Variants in NEDD9 observed in about 807,000 individuals in gnomAD.
NEDD9 encodes neural precursor cell expressed, developmentally down-regulated 9, also known as enhancer of filamentation 1.
A neutral mutation model predicts 76.6 loss-of-function variants in NEDD9; 26 were observed. The ratio of observed to expected loss-of-function variants is 0.34; its 90% CI spans 0.25 to 0.47. The LOEUF is 0.47. Among genes scored for constraint, NEDD9 ranks in the 20% least tolerant of loss-of-function variants. The pLI, the probability that NEDD9 is intolerant of heterozygous loss-of-function variation, is 1.00. For missense variants in NEDD9, 937 were observed against 1,058.5 expected, an observed-to-expected ratio of 0.89 and a Z score of 1.59; for synonymous variants, 392 against 414.2, an observed-to-expected ratio of 0.95 and a Z score of 0.65.
intron 1 of NEDD9, among the ~76,000 whole-genome samples, chr6:11,371,892 G>A (rs1166124805): frequency 6.6e-6 from 1 of 152,152 alleles, no homozygotes; most frequent in Non-Finnish European, 1.5e-5. Flanking sequence ...GGTTATATGA[G>A]ATGTTTTGAT....
intron 3 of NEDD9, chr6:11,258,363 G>A (rs1254823780): frequency 6.6e-6 from 1 of 152,202 alleles, no homozygotes; most frequent in African/African-American, 2.4e-5. Flanking sequence ...TATCAAAGGT[G>A]TGAATGCTCT....
chr6:11,336,303 C>A (rs1305581984), intron 1 of NEDD9, among the ~76,000 whole-genome samples: 2 of 152,208 alleles, frequency 1.3e-5, no homozygotes, highest in African/African-American at 4.8e-5. Context: ...TGTAATTGTA[C>A]AAAGTGCATA....
chr6:11,366,909 A>G (rs1762781109), intron 1 of NEDD9, among the ~76,000 whole-genome samples: 1 of 152,234 alleles, frequency 6.6e-6, no homozygotes, highest in African/African-American at 2.4e-5. Context: ...ATATGAGTCA[A>G]TGTGCTGTGT....
chr6:11,232,785 C>G, upstream of NEDD9: 5 of 1,180,738 alleles, frequency 4.2e-6, no homozygotes, highest in South Asian at 9.0e-5. Flanking sequence ...TTCTGAAAAA[C>G]TGACAAAGAA....
intron 1 of NEDD9, among the ~76,000 whole-genome samples, chr6:11,356,272 C>G (rs1222169604): frequency 1.3e-5 from 2 of 152,142 alleles, no homozygotes; most frequent in Non-Finnish European, 2.9e-5. Flanking sequence ...CTGACGGATC[C>G]TAAGAGTCAC....
chr6:11,273,439 G>C (rs545677289), intron 3 of NEDD9, among the ~76,000 whole-genome samples: 77 of 152,290 alleles, frequency 5.1e-4, no homozygotes, highest in African/African-American at 1.8e-3. Context: ...CATTCAAAAG[G>C]GTTGAATTTG....
chr6:11,342,227 A>G lies in NEDD9; in HGVS notation c.-213-7666T>C, dbSNP rs561239739. Among the ~76,000 whole-genome samples the G allele has an allele frequency of 7.2e-5, 11 of 152,262 alleles. No individual in the cohort carries two copies. The South Asian group carries it at 2.3e-3, about 32-fold the overall frequency. ...ATATCAGACAGTCTAACTTACGTCTATTTGGTGTCCCAGAAGGAGGAGAGA... is the reference window on the plus strand; with the variant it reads ...ATATCAGACAGTCTAACTTACGTCTGTTTGGTGTCCCAGAAGGAGGAGAGA... On this transcript the variant is annotated intron_variant, in intron 1 of 3. Coordinates refer to the NEDD9 transcript ENST00000397378.
intron 1 of NEDD9, among the ~76,000 whole-genome samples, chr6:11,378,578 T>C (rs1426373226): frequency 6.6e-6 from 1 of 152,176 alleles, no homozygotes; most frequent in African/African-American, 2.4e-5. Context: ...TGGATGTGTA[T>C]TTATGTTTTT....
At chr6:11,304,071 C>A (rs1761119133) in intron 3 of NEDD9, among the ~76,000 whole-genome samples, 1 of 152,146 alleles carries the variant, frequency 6.6e-6, no homozygotes, top group Non-Finnish European at 1.5e-5. Flanking sequence ...TGAAAAAGGG[C>A]TAATATTCAG....
chr6:11,294,056 T>C (rs1760838744), intron 3 of NEDD9, among the ~76,000 whole-genome samples: 1 of 152,108 alleles, frequency 6.6e-6, no homozygotes, highest in Admixed American at 6.6e-5. Flanking sequence ...TCACATTTTC[T>C]TTATCTGCTC....
rs746431706 is a variant in NEDD9 at position 11,191,178 on chromosome 6, G to A, written c.691C>T (p.Arg231Trp). The A allele has an allele frequency of 2.1e-5, 33 of 1,608,424 alleles. No individual in the cohort carries two copies. In the South Asian group the frequency reaches 2.3e-4, roughly 11 times the overall value. The part of the protein sequence containing the change: ...GVYAIPPSAC[R>W]DEAGLREKDY... The stretch of plus-strand genomic sequence containing the variant: ...TTTTCCCTAAGCCCTGCTTCATCCC[G>A]GCAAGCAGAGGGCGGAATGGCATAT... Residue 231 changes from arginine (R) to tryptophan (W), a missense_variant, in exon 5 of 7, where the codon CGG becomes TGG. Coordinates refer to ENST00000379446, the MANE Select transcript of NEDD9 (RefSeq NM_006403.4).
chr6:11,189,964 C>T lies in NEDD9; in HGVS notation c.1905G>A (p.Gln635=). 1 of 1,514,916 alleles carries T rather than the reference C, an allele frequency of 6.6e-7. No individual in the cohort carries two copies. Among genetic ancestry groups the T allele is most frequent in the Non-Finnish European group, 8.8e-7 (1 of 1,132,868 alleles). The allele number at this position is 1,514,916 out of a possible 1,614,324, so 93.8% of individuals were successfully genotyped here. The part of the protein sequence containing the change: ...WMDDYDYVHL[Q]GKEEFERQQK... Reference sequence around the variant, plus strand: ...TGTTTTATGAGTTCCGCTGTTTTACCTGTAGGTGGACGTAATCGTAGTCAT... The same window carrying T: ...TGTTTTATGAGTTCCGCTGTTTTACTTGTAGGTGGACGTAATCGTAGTCAT... Residue 635 remains glutamine (Q), a splice_region_variant and synonymous_variant, in exon 5 of 7, where the codon CAG becomes CAA. Transcript: ENST00000379446.
chr6:11,224,169 G>A (rs1397599764), intron 1 of NEDD9, among the ~76,000 whole-genome samples: 2 of 152,216 alleles, frequency 1.3e-5, no homozygotes, highest in East Asian at 3.8e-4. Flanking sequence ...CTGAATTTCG[G>A]ATTTGGGAGA....
At chr6:11,303,682 C>T (rs1022844767) in intron 3 of NEDD9, among the ~76,000 whole-genome samples, 1 of 152,038 alleles carries the variant, frequency 6.6e-6, no homozygotes, top group Non-Finnish European at 1.5e-5. Context: ...TGAACTTTGG[C>T]AAACCTGAAA....
intron 2 of NEDD9, among the ~76,000 whole-genome samples, chr6:11,314,738 T>C (rs560962923): frequency 9.9e-5 from 15 of 152,176 alleles, no homozygotes; most frequent in Non-Finnish European, 1.8e-4. Context: ...CACATGATGG[T>C]ATTCACAGCA....
chr6:11,350,576 C>A (rs1450046792), intron 1 of NEDD9, among the ~76,000 whole-genome samples: 6 of 152,204 alleles, frequency 3.9e-5, no homozygotes, highest in Non-Finnish European at 1.5e-5. Flanking sequence ...ACTGTGGGAG[C>A]AGAAATACAG....
chr6:11,245,916 T>C (rs1759797236), intron 3 of NEDD9, among the ~76,000 whole-genome samples: 1 of 152,134 alleles, frequency 6.6e-6, no homozygotes, highest in South Asian at 2.1e-4. Context: ...ACAATAATAT[T>C]CACTTAGGAG....
At chr6:11,238,914 C>T (rs1056117157) in intron 3 of NEDD9, among the ~76,000 whole-genome samples, 9 of 152,316 alleles carry the variant, frequency 5.9e-5, no homozygotes, top group African/African-American at 1.9e-4. Flanking sequence ...AATCCTAGCA[C>T]TTTGGTTGGC....
At chr6:11,269,878 G>C (rs1242733054) in intron 3 of NEDD9, among the ~76,000 whole-genome samples, 2 of 152,182 alleles carry the variant, frequency 1.3e-5, no homozygotes, top group African/African-American at 4.8e-5. Context: ...CTGAATCCTA[G>C]CACTTTGGAA....
Sources: allele counts gnomAD v4.1 joint callset (sites outside exome capture counted in the v4.1 genomes callset), GRCh38; gene constraint gnomAD v4.1.1; transcripts MANE v1.5; gene names NCBI Gene and HGNC (gene_info 2026-07-23, HGNC 2026-07-21).